The following CALN1 variants were observed in gnomAD, a reference collection of about 807,000 sequenced individuals.
CALN1 encodes the protein calneuron 1, also known as calcium-binding protein 8.
Under a neutral mutation model 30.6 loss-of-function variants are expected in CALN1, and 17 were observed. That is an observed-to-expected ratio of 0.56 (90% CI 0.38 to 0.83). CALN1 has a LOEUF of 0.83. Among genes scored for constraint, CALN1 ranks in the 40% least tolerant of loss-of-function variants. CALN1 has a pLI of 0.00. For synonymous variants in CALN1, 156 were observed against 131.4 expected (o/e 1.19, Z -1.28); for missense variants, 291 against 354.9 (o/e 0.82, Z 1.45).
chr7:72,440,330 C>T (rs371470455), intron 1 of CALN1, among the ~76,000 whole-genome samples: 15 of 152,276 alleles, frequency 9.9e-5, no homozygotes, highest in African/African-American at 3.4e-4. Context: ...AAGAAATCCC[C>T]ATTTTCTGTT....
chr7:71,988,719 G>A (rs1798804192), intron 5 of CALN1, among the ~76,000 whole-genome samples: 1 of 152,116 alleles, frequency 6.6e-6, no homozygotes, highest in African/African-American at 2.4e-5. Flanking sequence ...ACGCTGACCC[G>A]GGCCATCGAT....
At chr7:72,345,361 G>A (rs1297132596) in intron 2 of CALN1, among the ~76,000 whole-genome samples, 2 of 59,098 alleles carry the variant, frequency 3.4e-5, no homozygotes, top group Admixed American at 4.6e-4. Flanking sequence ...GAAAGAGAAG[G>A]AAGGAAGGAA....
At chr7:72,327,498 T>C (rs569814287) in intron 2 of CALN1, among the ~76,000 whole-genome samples, 215 of 152,262 alleles carry the variant, frequency 1.4e-3, no homozygotes, top group Middle Eastern at 3.4e-3. Context: ...CAAAAATAAA[T>C]AAATAAACGA....
Position 71,849,682 on chromosome 7 carries a change from T to C in CALN1, c.502-39190A>G, listed in dbSNP as rs150254695. 2.2e-4 allele frequency among the ~76,000 whole-genome samples: 34 copies of C among 152,304 alleles called. No homozygotes were observed. In the East Asian group the frequency reaches 6.6e-3, roughly 29 times the overall value. ...TTTAAAAGGCAGGATGTTATTCAGTTGCCCAGGCTGGAGTACAGTGGTGCA... is the reference window on the plus strand; with the variant it reads ...TTTAAAAGGCAGGATGTTATTCAGTCGCCCAGGCTGGAGTACAGTGGTGCA... On this transcript the variant is annotated intron_variant, in intron 5 of 6. Transcript: ENST00000395275.
At chr7:72,156,888 C>T (rs1044921995) in intron 3 of CALN1, among the ~76,000 whole-genome samples, 1 of 152,144 alleles carries the variant, frequency 6.6e-6, no homozygotes, top group African/African-American at 2.4e-5. Flanking sequence ...AATCACAAAG[C>T]ACTTCATGCA....
chr7:72,164,853 T>C (rs540362531), intron 3 of CALN1, among the ~76,000 whole-genome samples: 2 of 152,180 alleles, frequency 1.3e-5, no homozygotes, highest in Admixed American at 6.5e-5. Context: ...GGTGGTATTT[T>C]TTAGGGTTTT....
At chr7:72,343,532 G>GCGAGAT (rs1456202493) in intron 2 of CALN1, among the ~76,000 whole-genome samples, 2 of 141,140 alleles carry the variant, frequency 1.4e-5, no homozygotes, top group Non-Finnish European at 3.0e-5. Context: ...GGGTGACAGA[G>GCGAGAT]CGAGATTCTG....
At chr7:71,899,034 C>T (rs1443780208) in intron 5 of CALN1, among the ~76,000 whole-genome samples, 1 of 152,026 alleles carries the variant, frequency 6.6e-6, no homozygotes, top group Admixed American at 6.5e-5. Flanking sequence ...CAGCAAAACC[C>T]AATGACTTCT....
At chr7:71,851,208 A>ACACAC (rs1790619911) in intron 5 of CALN1, among the ~76,000 whole-genome samples, 3 of 132,098 alleles carry the variant, frequency 2.3e-5, no homozygotes, top group African/African-American at 5.8e-5. Flanking sequence ...CCTTGTCTCA[A>ACACAC]ACACACACAC....
chr7:71,846,286 C>T (rs1365153296), intron 5 of CALN1, among the ~76,000 whole-genome samples: 2 of 152,172 alleles, frequency 1.3e-5, no homozygotes, highest in African/African-American at 4.8e-5. Flanking sequence ...TGTTGCCGTT[C>T]TGATTCTCTT....
At chr7:71,954,353 G>C (rs978918616) in intron 5 of CALN1, among the ~76,000 whole-genome samples, 2 of 152,120 alleles carry the variant, frequency 1.3e-5, no homozygotes, top group Non-Finnish European at 2.9e-5. Context: ...CCAGCTGCTA[G>C]GGAGGCTGAG....
intron 5 of CALN1, among the ~76,000 whole-genome samples, chr7:71,995,287 C>T (rs1799197468): frequency 6.6e-6 from 1 of 152,242 alleles, no homozygotes; most frequent in South Asian, 2.1e-4. Flanking sequence ...CTTCCAGGTT[C>T]CTCCTTTATT....
At chr7:72,061,796 C>CAAAAAAAA (rs1161510912) in intron 4 of CALN1, among the ~76,000 whole-genome samples, 5 of 85,132 alleles carry the variant, frequency 5.9e-5, no homozygotes, top group Non-Finnish European at 8.8e-5. Flanking sequence ...GACTCTGTCT[C>CAAAAAAAA]AAAAAAAAAA....
At chr7:72,447,619 T>C (rs905916332), upstream of CALN1, among the ~76,000 whole-genome samples, 1 of 152,138 alleles carries the variant, frequency 6.6e-6, no homozygotes, top group African/African-American at 2.4e-5. Flanking sequence ...CTGCCACTTA[T>C]GTAAGCTGCA....
chr7:72,262,119 T>TG (rs984481463), intron 3 of CALN1, among the ~76,000 whole-genome samples: 16 of 152,232 alleles, frequency 1.1e-4, no homozygotes, highest in African/African-American at 3.6e-4. Context: ...GAGTGAGTTC[T>TG]GGTCAACCGG....
At chr7:72,359,976 C>CAAAAAAAAAAAAAAAAAAAAAAAAAA (rs750054515) in intron 2 of CALN1, among the ~76,000 whole-genome samples, 2 of 63,952 alleles carry the variant, frequency 3.1e-5, no homozygotes, top group African/African-American at 1.7e-4. Context: ...GACTCCATCT[C>CAAAAAAAAAAAAAAAAAAAAAAAAAA]AAAAAAAAAA....
intron 3 of CALN1, among the ~76,000 whole-genome samples, chr7:72,172,124 A>G (rs969888556): frequency 2.2e-4 from 34 of 152,256 alleles, no homozygotes; most frequent in African/African-American, 7.7e-4. Flanking sequence ...CATGGGGTCC[A>G]GCCTGATTGT....
chr7:72,012,406 A>C (rs1800132271), intron 5 of CALN1, among the ~76,000 whole-genome samples: 1 of 152,100 alleles, frequency 6.6e-6, no homozygotes, highest in Admixed American at 6.5e-5. Context: ...CCAGCTACTC[A>C]GGAGGCTGAG....
intron 5 of CALN1, among the ~76,000 whole-genome samples, chr7:71,882,185 T>C (rs1021913269): frequency 2.6e-5 from 4 of 152,212 alleles, no homozygotes; most frequent in Non-Finnish European, 5.9e-5. Flanking sequence ...TGAGGCTGCC[T>C]GCATCCCTTG....
Sources: gnomAD v4.1 joint callset for allele counts (sites outside exome capture counted in the v4.1 genomes callset) on GRCh38, gnomAD v4.1.1 for gene constraint, MANE v1.5 for transcripts, NCBI Gene and HGNC (gene_info 2026-07-23, HGNC 2026-07-21) for gene names.